Variants in SGK3 observed in about 807,000 individuals in gnomAD.
SGK3 encodes serine/threonine-protein kinase Sgk3.
A neutral mutation model predicts 68.5 loss-of-function variants in SGK3; 47 were observed. The observed-to-expected ratio is 0.69, with a 90% CI of 0.54 to 0.87. SGK3 has a LOEUF of 0.87. Ranked by LOEUF, SGK3 falls within the 40% of genes least tolerant of loss-of-function variation. The pLI, the probability that SGK3 is intolerant of heterozygous loss-of-function variation, is 0.00. For synonymous variants in SGK3, 181 were observed against 189.1 expected (o/e 0.96, Z 0.35); for missense variants, 479 against 575.5 (o/e 0.83, Z 1.72).
intron 1 of SGK3, among the ~76,000 whole-genome samples, chr8:66,752,767 G>A (rs940249652): frequency 6.6e-6 from 1 of 152,186 alleles, no homozygotes; most frequent in Non-Finnish European, 1.5e-5. Context: ...TAAGCCTGAT[G>A]TTTTCGGCGA....
chr8:66,796,692 C>T (rs1005216606), intron 2 of SGK3, among the ~76,000 whole-genome samples: 1 of 152,066 alleles, frequency 6.6e-6, no homozygotes, highest in African/African-American at 2.4e-5. Context: ...TTCTAGGTGT[C>T]TTGACTTAAA....
intron 14 of SGK3, among the ~76,000 whole-genome samples, chr8:66,845,528 TA>T (rs1423986213): frequency 2.6e-5 from 4 of 152,162 alleles, no homozygotes; most frequent in Non-Finnish European, 5.9e-5. Flanking sequence ...CTTTAATTTT[TA>T]TTTTTACTTT....
chr8:66,741,438 T>G (rs1194463456), intron 1 of SGK3, among the ~76,000 whole-genome samples: 1 of 151,542 alleles, frequency 6.6e-6, no homozygotes. Context: ...TCCCAGCTAC[T>G]CGGGAGGCCT....
chr8:66,830,837 C>T (rs891984166), intron 7 of SGK3, among the ~76,000 whole-genome samples: 1 of 152,160 alleles, frequency 6.6e-6, no homozygotes, highest in Non-Finnish European at 1.5e-5. Flanking sequence ...AGAATTACCA[C>T]GTTATATAGT....
intron 1 of SGK3, among the ~76,000 whole-genome samples, chr8:66,753,415 C>G (rs188623222): frequency 1.3e-5 from 2 of 152,138 alleles, no homozygotes. Context: ...CATAGGTAGT[C>G]AAGATATACA....
intron 1 of SGK3, among the ~76,000 whole-genome samples, chr8:66,759,951 TCTC>T (rs1806104046): frequency 6.6e-6 from 1 of 152,140 alleles, no homozygotes; most frequent in East Asian, 1.9e-4. Flanking sequence ...TCTGGGAAGA[TCTC>T]CTCTCAAGAT....
chr8:66,735,656 A>G (rs1805298152), intron 1 of SGK3, among the ~76,000 whole-genome samples: 1 of 152,210 alleles, frequency 6.6e-6, no homozygotes, highest in Admixed American at 6.6e-5. Flanking sequence ...TAGATGAAAA[A>G]GCAAGAAGCA....
chr8:66,844,335 C>G (rs1187202149), intron 14 of SGK3, among the ~76,000 whole-genome samples: 2 of 152,140 alleles, frequency 1.3e-5, no homozygotes, highest in Non-Finnish European at 2.9e-5. Flanking sequence ...TCACTCTGTT[C>G]CCATCCCTGA....
At chr8:66,773,987 G>A (rs981748004) in intron 1 of SGK3, among the ~76,000 whole-genome samples, 5 of 152,126 alleles carry the variant, frequency 3.3e-5, no homozygotes, top group African/African-American at 7.2e-5. Flanking sequence ...GAGTGATGCC[G>A]GAGATCCCTG....
Position 66,840,072 on chromosome 8 carries a change from G to A in SGK3, c.811G>A (p.Ala271Thr). ...AGCTAGGTTTTACGCTGCTGAAATT[G>A]CTAGTGCATTGGGTTACTTACATTC... ...HRARFYAAEI[A>T]SALGYLHSIK... The change falls in exon 11 of 17, where the codon GCT becomes ACT. Residue 271 changes from alanine to threonine, a missense_variant. Around this residue, in one of 3 missense-constraint regions of SGK3, gnomAD observed 298 missense variants for 329.4 expected, o/e 0.90. Transcript: ENST00000521198. 6.2e-7 allele frequency: 1 copy of A among 1,613,790 alleles called. No homozygotes were observed. The highest frequency in any genetic ancestry group is 8.5e-7 in the Non-Finnish European group (1 of 1,179,932).
At chr8:66,851,807 G>T (rs976106576) in intron 16 of SGK3, among the ~76,000 whole-genome samples, 6 of 152,078 alleles carry the variant, frequency 3.9e-5, no homozygotes, top group Non-Finnish European at 8.8e-5. Context: ...TCATCAGTAG[G>T]CCAGTAATGA....
chr8:66,737,806 A>C (rs1381238393), intron 1 of SGK3: 2 of 151,592 alleles, frequency 1.3e-5, no homozygotes, highest in African/African-American at 4.8e-5. Context: ...AGTAGAGATG[A>C]GGTTTCATCA....
At chr8:66,847,486 TC>T in intron 15 of SGK3, 138 bp downstream of exon 15, 1 of 1,328,150 alleles carries the variant, frequency 7.5e-7, no homozygotes, top group Non-Finnish European at 1.0e-6. Flanking sequence ...CATACTTGTC[TC>T]CACAGTTTTC....
chr8:66,849,092 C>G (rs1041369999), intron 15 of SGK3, among the ~76,000 whole-genome samples: 2 of 152,174 alleles, frequency 1.3e-5, no homozygotes, highest in African/African-American at 4.8e-5. Context: ...GCCCTGTCGT[C>G]CTAAACCCTC....
chr8:66,774,165 G>C (rs1806607461), intron 1 of SGK3, among the ~76,000 whole-genome samples: 1 of 152,140 alleles, frequency 6.6e-6, no homozygotes, highest in Admixed American at 6.5e-5. Flanking sequence ...TCGTTTTACT[G>C]ATAAGCAAAT....
At chr8:66,850,027 C>T (rs1308281970) in intron 15 of SGK3, among the ~76,000 whole-genome samples, 1 of 152,154 alleles carries the variant, frequency 6.6e-6, no homozygotes, top group African/African-American at 2.4e-5. Flanking sequence ...TCATGTAGAC[C>T]TGATATGATA....
chr8:66,717,806 C>T (rs1319902087), intron 1 of SGK3, among the ~76,000 whole-genome samples: 19 of 151,942 alleles, frequency 1.3e-4, no homozygotes, highest in Non-Finnish European at 1.0e-4. Context: ...CAGGTTCAAG[C>T]GATTCTCGTG....
At chr8:66,822,293 A>G in intron 5 of SGK3, 79 bp from the exon 6 acceptor site, 3 of 1,319,390 alleles carry the variant, frequency 2.3e-6, no homozygotes, top group Non-Finnish European at 3.1e-6. Flanking sequence ...AGTTATTTCT[A>G]TTTTGATTTT....
chr8:66,735,619 TTAAA>T (rs145388779), intron 1 of SGK3, among the ~76,000 whole-genome samples: 4,556 of 152,268 alleles, frequency 0.03, 236 homozygotes, highest in African/African-American at 0.1. Flanking sequence ...ATAGACAGTA[TTAAA>T]TAGAGTTTCA....
Sources: gnomAD v4.1 joint callset for allele counts (sites outside exome capture counted in the v4.1 genomes callset) on GRCh38, gnomAD v4.1.1 for gene constraint, gnomAD v4.1.1 regional missense constraint, MANE v1.5 for transcripts, NCBI Gene and HGNC (gene_info 2026-07-23, HGNC 2026-07-21) for gene names.